Variants in NCS1 observed in about 807,000 individuals in gnomAD.
The protein encoded by NCS1 is neuronal calcium sensor 1, also known as frequenin homolog.
A neutral mutation model predicts 28.4 loss-of-function variants in NCS1; 6 were observed. The ratio of observed to expected loss-of-function variants is 0.21; its 90% confidence interval spans 0.12 to 0.42. The LOEUF is 0.42. Among genes scored for constraint, NCS1 ranks in the 10% least tolerant of loss-of-function variants. NCS1 has a pLI of 1.00. For synonymous variants in NCS1, 86 were observed against 99.3 expected, an observed-to-expected ratio of 0.87 and a Z score of 0.79; for missense variants, 131 against 241.4, an observed-to-expected ratio of 0.54 and a Z score of 3.03.
At chr9:130,174,260 GGA>G (rs1465998544) in intron 1 of NCS1, among the ~76,000 whole-genome samples, 1 of 152,200 alleles carries the variant, frequency 6.6e-6, no homozygotes, top group African/African-American at 2.4e-5. Context: ...GGGCTGCACG[GGA>G]TGCCTCCATC....
At chr9:130,184,365 T>C (rs79199260) in intron 1 of NCS1, among the ~76,000 whole-genome samples, 8,613 of 152,182 alleles carry the variant, frequency 0.057, 280 homozygotes, top group Admixed American at 0.087. Flanking sequence ...GGGACCTTGG[T>C]CTGGCCTTTC....
At position 130,172,641 on chromosome 9, in the gene NCS1, G is replaced by T. The variant is rs1451669454; in HGVS notation, c.-23G>T. On this transcript the variant is annotated 5_prime_UTR_variant, in exon 1 of 8. Transcript: ENST00000372398. ...GCCCCAACCGGGTCCGGCCCGGGGG[G>T]GCGGGGGCCGCGGCCGCCGAGGATG... The T allele has an allele frequency of 2.1e-6, 3 of 1,432,454 alleles. No homozygotes were observed. Among genetic ancestry groups the T allele is most frequent in the Non-Finnish European group, 2.8e-6 (3 of 1,077,242 alleles). 88.7% of individuals were successfully genotyped at this position (1,432,454 alleles called of 1,614,324 possible). A position where few individuals can be genotyped will look rare whatever the true frequency, so the allele number is the denominator to read the frequency against.
chr9:130,221,399 T>TAAAATATC (rs1286299307), intron 4 of NCS1, among the ~76,000 whole-genome samples: 2 of 50,008 alleles, frequency 4.0e-5, no homozygotes, highest in Non-Finnish European at 8.5e-5. Context: ...TATATATATA[T>TAAAATATC]ATATATATAT....
chr9:130,217,365 G>A (rs909731097), intron 2 of NCS1, among the ~76,000 whole-genome samples: 2 of 152,204 alleles, frequency 1.3e-5, no homozygotes, highest in Non-Finnish European at 2.9e-5. Flanking sequence ...GGAGCCACCT[G>A]CTGGCTCCAT....
In NCS1 at chr9:130,177,073, C is replaced by T. The variant is rs561690403; in HGVS notation, c.64+4346C>T. On this transcript the variant is annotated intron_variant, in intron 1 of 7. Coordinates refer to ENST00000372398, the MANE Select transcript of NCS1 (RefSeq NM_014286.4). This position sits in a 1 kb window ranked among gnomAD's most constrained non-coding sequence, Gnocchi z 4.4. ...CAGGCTCTGCCTTGACCTTGCCTGCCAACCTTGACTCTCCTCTGCCTTTTC... is the reference window on the plus strand; with the variant it reads ...CAGGCTCTGCCTTGACCTTGCCTGCTAACCTTGACTCTCCTCTGCCTTTTC... Among the ~76,000 whole-genome samples the T allele has an allele frequency of 6.6e-6, 1 of 152,318 alleles. No homozygotes were observed. The highest frequency in any genetic ancestry group is 2.4e-5 in the African/African-American group (1 of 41,564).
At chr9:130,216,572 T>C (rs4836696) in intron 2 of NCS1, among the ~76,000 whole-genome samples, 37,561 of 151,732 alleles carry the variant, frequency 0.25, 4,955 homozygotes, top group Admixed American at 0.33. Flanking sequence ...AAAAATTAGC[T>C]GGGTGTGGTG....
intron 1 of NCS1, among the ~76,000 whole-genome samples, chr9:130,194,788 G>A (rs1181911465): frequency 6.6e-6 from 1 of 152,238 alleles, no homozygotes; most frequent in African/African-American, 2.4e-5. Flanking sequence ...TGGGCCTGCA[G>A]GCCTGGAGGC....
In NCS1 at chr9:130,177,955, C is replaced by T. The variant is rs1832598170; in HGVS notation, c.64+5228C>T. 6.6e-6 allele frequency among the ~76,000 whole-genome samples: 1 copy of T among 152,134 alleles called. No individual in the cohort carries two copies. Among genetic ancestry groups the T allele is most frequent in the Non-Finnish European group, 1.5e-5 (1 of 68,040 alleles). The stretch of plus-strand genomic sequence containing the variant: ...GAAAATGGGCAGTTTTGGAAGGCCT[C>T]AGTGTTGAGGAGGATTCGGGGCATA... On this transcript the variant is annotated intron_variant, in intron 1 of 7. Transcript: ENST00000372398. This position sits in a 1 kb window ranked among gnomAD's most constrained non-coding sequence, Gnocchi z 4.4.
intron 2 of NCS1, among the ~76,000 whole-genome samples, chr9:130,217,134 G>A (rs781830952): frequency 8.5e-5 from 13 of 152,358 alleles, no homozygotes; most frequent in Non-Finnish European, 1.0e-4. Flanking sequence ...AGGTGAGGGC[G>A]TTTGCTTGAG....
In NCS1 at chr9:130,222,130, A is replaced by G. The variant is rs71481363; in HGVS notation, c.308-520A>G. Among the ~76,000 whole-genome samples, 165 of 91,184 alleles carry G rather than the reference A, an allele frequency of 1.8e-3. 4 individuals carry two copies. The highest frequency in any genetic ancestry group is 0.01 in the Middle Eastern group (2 of 198). 59.8% of individuals were successfully genotyped at this position (91,184 alleles called of 152,430 possible). A position where few individuals can be genotyped will look rare whatever the true frequency, so the allele number is the denominator to read the frequency against. ...TATATATACGTATATATATATGTGT[A>G]TATATATATACGTATATATATATGT... On this transcript the variant is annotated intron_variant, in intron 4 of 7. Transcript: ENST00000372398.
chr9:130,222,477 A>G (rs1308302022), intron 4 of NCS1, among the ~76,000 whole-genome samples, 173 bp from the exon 5 acceptor site: 2 of 151,630 alleles, frequency 1.3e-5, no homozygotes, highest in African/African-American at 4.8e-5. Flanking sequence ...CCTAGTTGCA[A>G]TGGTGTGTGT....
intron 2 of NCS1, among the ~76,000 whole-genome samples, chr9:130,211,010 ATTT>A (rs34425557): frequency 0.017 from 1,583 of 92,342 alleles, 25 homozygotes; most frequent in African/African-American, 0.056. Context: ...GGCTCCACTA[ATTT>A]TTTTTTTTTT....
rs1333283347 is a variant in NCS1 at position 130,181,930 on chromosome 9, T to G, written c.64+9203T>G. ...TTGTAAATGTAGGTGTGCCTGGGGG[T>G]GGGGGACGCTGGGGAGGGAGGCACA... On this transcript the variant is annotated intron_variant, in intron 1 of 7. Coordinates refer to ENST00000372398, the MANE Select transcript of NCS1 (RefSeq NM_014286.4). The surrounding 1 kb of genome is among the most constrained non-coding windows in gnomAD (Gnocchi z 5.0). 1.1e-4 allele frequency among the ~76,000 whole-genome samples: 15 copies of G among 134,636 alleles called. No individual in the cohort carries two copies. Among genetic ancestry groups the G allele is most frequent in the East Asian group, 2.4e-4 (1 of 4,144 alleles). The allele number at this position is 134,636 out of a possible 152,430, so 88.3% of individuals were successfully genotyped here.
chr9:130,226,280 C>T lies in NCS1; in HGVS notation c.475-109C>T, dbSNP rs1833413318. 1.1e-6 allele frequency: 1 copy of T among 903,760 alleles called. No homozygotes were observed. The highest frequency in any genetic ancestry group is 1.9e-5 in the Admixed American group (1 of 51,332). The allele number at this position is 903,760 out of a possible 1,614,324, so 56.0% of individuals were successfully genotyped here. On this transcript the variant is annotated intron_variant, in intron 6 of 7. Transcript: ENST00000372398. This position sits in a 1 kb window ranked among gnomAD's most constrained non-coding sequence, Gnocchi z 4.8. ...TGTAGGCCCTGAGCCACGTTGCCTC[C>T]CTCCTGATCTAACCTTGGAAGGGCT... is the stretch of plus-strand genomic sequence containing the variant.
At chr9:130,196,555 A>G (rs1363968193) in intron 1 of NCS1, among the ~76,000 whole-genome samples, 1 of 152,210 alleles carries the variant, frequency 6.6e-6, no homozygotes, top group African/African-American at 2.4e-5. Flanking sequence ...CCTGGCCAGC[A>G]TGGTGAAACC....
At chr9:130,230,886 A>G (rs779153263) in intron 7 of NCS1, among the ~76,000 whole-genome samples, 72 of 151,982 alleles carry the variant, frequency 4.7e-4, no homozygotes, top group Non-Finnish European at 8.2e-4. Flanking sequence ...CTAAAAGATA[A>G]AGATTCTTTG....
chr9:130,195,260 C>T (rs1002061876), intron 1 of NCS1, among the ~76,000 whole-genome samples: 6 of 152,164 alleles, frequency 3.9e-5, no homozygotes, highest in East Asian at 1.9e-4. Flanking sequence ...CTCTCTGGAC[C>T]GCTGTACTTC....
rs1318586785 is a variant in NCS1, at chr9:130,177,152, A to C, written c.64+4425A>C. Among the ~76,000 whole-genome samples the C allele has an allele frequency of 6.6e-6, 1 of 152,204 alleles. No homozygotes were observed. Among genetic ancestry groups the C allele is most frequent in the Non-Finnish European group, 1.5e-5 (1 of 68,038 alleles). The stretch of plus-strand genomic sequence containing the variant: ...AGGAGCAGGTGGAGGGCAGGAGCCC[A>C]CGGCTGACGCCTCTGTGACCCCGAG... On this transcript the variant is annotated intron_variant, in intron 1 of 7. Transcript: ENST00000372398. The surrounding 1 kb of genome is among the most constrained non-coding windows in gnomAD (Gnocchi z 4.4).
In NCS1 at chr9:130,172,488, G is replaced by A. The variant is rs1832492935; in HGVS notation, c.-176G>A. On this transcript the variant is annotated 5_prime_UTR_variant, in exon 1 of 8. Transcript: ENST00000372398. The stretch of plus-strand genomic sequence containing the variant: ...CCGCGCCGCGGCGCCCGGACCGCCC[G>A]GGCCTGCCCAGCGGCCGCCCCACGC... 3 of 141,212 alleles carry A rather than the reference G, an allele frequency of 2.1e-5. No homozygotes were observed. Among genetic ancestry groups the A allele is most frequent in the Admixed American group, 7.1e-5 (1 of 14,072 alleles). 8.7% of individuals were successfully genotyped at this position (141,212 alleles called of 1,614,324 possible). A position where few individuals can be genotyped will look rare whatever the true frequency, so the allele number is the denominator to read the frequency against.
Sources: allele counts gnomAD v4.1 joint callset (sites outside exome capture counted in the v4.1 genomes callset), GRCh38; gene constraint gnomAD v4.1.1; non-coding constraint Gnocchi (gnomAD v3.1); transcripts MANE v1.5; gene names NCBI Gene and HGNC (gene_info 2026-07-23, HGNC 2026-07-21).